The following CDC25C variants were observed in gnomAD, a reference collection of about 807,000 sequenced individuals.
CDC25C encodes M-phase inducer phosphatase 3.
In CDC25C, 48 loss-of-function variants were observed where a neutral mutation model predicts 52.5. The ratio of observed to expected loss-of-function variants is 0.91; its 90% confidence interval spans 0.72 to 1.16. CDC25C has a LOEUF of 1.16. Ranked by LOEUF, CDC25C falls within the 50% of genes most tolerant of loss-of-function variation. The pLI, the probability that CDC25C is intolerant of heterozygous loss-of-function variation, is 0.00. For synonymous variants in CDC25C, 187 were observed against 206.5 expected (o/e 0.91, Z 0.81); for missense variants, 510 against 566.1 (o/e 0.90, Z 1.01).
At chr5:138,304,374 G>A (rs1412773983) in intron 7 of CDC25C, among the ~76,000 whole-genome samples, 1 of 145,628 alleles carries the variant, frequency 6.9e-6, no homozygotes, top group Non-Finnish European at 1.5e-5. Context: ...TGTTGCTGAG[G>A]CAGGCAGACA....
At chr5:138,299,201 A>G (rs2126699956) in intron 7 of CDC25C, among the ~76,000 whole-genome samples, 1 of 139,204 alleles carries the variant, frequency 7.2e-6, no homozygotes, top group Middle Eastern at 4.6e-3. Flanking sequence ...TGGAAAAAAA[A>G]AAAAAAAAAA....
rs958924047 is a variant in CDC25C, at chr5:138,331,757, G to T, written c.-201C>A. On this transcript the variant is annotated 5_prime_UTR_variant, in exon 1 of 14. In the 5' UTR this introduces an upstream ATG that the reference lacks. Transcript: ENST00000323760. ...ACTGGGTAGGCCAACGTCGGACTCA[G>T]AGTCTTCCCTGAGCAGAAGGCCAAA... is the stretch of plus-strand genomic sequence containing the variant. 1.0e-6 allele frequency: 1 copy of T among 974,248 alleles called. No individual in the cohort carries two copies. The highest frequency in any genetic ancestry group is 1.2e-6 in the Non-Finnish European group (1 of 818,288). The allele number at this position is 974,248 out of a possible 1,614,324, so 60.4% of individuals were successfully genotyped here.
At chr5:138,316,372 G>A (rs1186288403) in intron 7 of CDC25C, among the ~76,000 whole-genome samples, 1 of 152,198 alleles carries the variant, frequency 6.6e-6, no homozygotes, top group Admixed American at 6.5e-5. Context: ...GCACGGAGAA[G>A]CAAAAGAGGG....
intron 7 of CDC25C, among the ~76,000 whole-genome samples, chr5:138,310,829 G>A (rs765537998): frequency 4.6e-5 from 7 of 152,144 alleles, no homozygotes; most frequent in Non-Finnish European, 7.4e-5. Context: ...TAGGGACTTC[G>A]AATGGTGGTC....
rs771250230 is a variant in CDC25C, at chr5:138,290,729, TA to T, written c.773del (p.Leu258Ter). 1 of 1,601,318 alleles carries T rather than the reference TA, an allele frequency of 6.2e-7. No homozygotes were observed. Among genetic ancestry groups the T allele is most frequent in the Non-Finnish European group, 8.6e-7 (1 of 1,168,470 alleles). On this transcript the variant is annotated frameshift_variant, in exon 9 of 14. Transcript: ENST00000323760. LOFTEE classifies it high-confidence loss of function. ...TGTCACACAGAGAGACTGTCTTCTT[TA>T]AACATAAGCCCTGAAGATGACAAGA... ...GQGKLRKGLC[L>X]KKTVSLCDIT...
At chr5:138,316,851 C>G (rs748129192) in intron 7 of CDC25C, among the ~76,000 whole-genome samples, 19 of 152,066 alleles carry the variant, frequency 1.2e-4, no homozygotes, top group Non-Finnish European at 2.5e-4. Flanking sequence ...GAGGAGCTGC[C>G]CCCTGTGGGT....
At chr5:138,292,834 A>C (rs1403687121) in intron 7 of CDC25C, among the ~76,000 whole-genome samples, 2 of 152,248 alleles carry the variant, frequency 1.3e-5, no homozygotes, top group South Asian at 4.1e-4. Context: ...CTATCAAATG[A>C]CCTCTGATAA....
intron 8 of CDC25C, among the ~76,000 whole-genome samples, chr5:138,291,504 C>T (rs868007864): frequency 2.0e-4 from 31 of 151,576 alleles, no homozygotes; most frequent in African/African-American, 5.1e-4. Context: ...CTGCAACCTC[C>T]ACCTCCCGGG....
chr5:138,321,151 G>A (rs1759351302), intron 6 of CDC25C, among the ~76,000 whole-genome samples: 1 of 151,962 alleles, frequency 6.6e-6, no homozygotes, highest in South Asian at 2.1e-4. Flanking sequence ...ATCTAGAATA[G>A]TCAAATTCAC....
At chr5:138,295,929 T>C (rs1008862167) in intron 7 of CDC25C, among the ~76,000 whole-genome samples, 8 of 152,214 alleles carry the variant, frequency 5.3e-5, no homozygotes, top group Non-Finnish European at 1.0e-4. Flanking sequence ...GAAAACTTAC[T>C]AGATTCAACC....
chr5:138,334,262 G>C (rs1013452193), upstream of CDC25C, among the ~76,000 whole-genome samples: 1 of 151,600 alleles, frequency 6.6e-6, no homozygotes, highest in Non-Finnish European at 1.5e-5. Context: ...AGATGCAGTG[G>C]TGCGCCTGTA....
intron 7 of CDC25C, among the ~76,000 whole-genome samples, chr5:138,305,169 C>G (rs1757914220): frequency 1.3e-5 from 2 of 152,178 alleles, no homozygotes; most frequent in Non-Finnish European, 2.9e-5. Flanking sequence ...GTGGCCCTAA[C>G]TTAATACCAG....
chr5:138,328,369 C>T, intron 4 of CDC25C, 115 bp downstream of exon 4: 1 of 850,238 alleles, frequency 1.2e-6, no homozygotes. Flanking sequence ...GGCCTCAAAG[C>T]CCACTTATAC....
rs957934987 is a variant in CDC25C, at chr5:138,319,301, T to C, written c.533A>G (p.Lys178Arg). ...CTGGTCTTCTCCTAGGTTTGGATTT[T>C]TATCCAATTTTGGAACAGTAGTAAT... ...SPITTVPKLD[K>R]NPNLGEDQAE... The change falls in exon 7 of 14, where the codon AAA (lysine) becomes AGA (arginine). Residue 178 changes from lysine to arginine, a missense_variant. By Grantham distance (26) the Lys-to-Arg change is conservative. Transcript: ENST00000323760. 1 of 1,613,182 alleles carries C rather than the reference T, an allele frequency of 6.2e-7. No homozygotes were observed. Among genetic ancestry groups the C allele is most frequent in the Admixed American group, 1.7e-5 (1 of 60,014 alleles).
chr5:138,287,424 C>T (rs191011867), intron 10 of CDC25C, among the ~76,000 whole-genome samples, 157 bp from the exon 11 acceptor site: 7 of 152,312 alleles, frequency 4.6e-5, no homozygotes, highest in Admixed American at 4.6e-4. Flanking sequence ...GATTCAGCCC[C>T]ACTCCACAAA....
intron 10 of CDC25C, among the ~76,000 whole-genome samples, chr5:138,288,847 T>C (rs931115093): frequency 3.9e-5 from 6 of 152,230 alleles, no homozygotes; most frequent in African/African-American, 1.4e-4. Context: ...CCCTCACTAA[T>C]AGATGAAAAT....
upstream of CDC25C, chr5:138,335,506 C>T (rs947015251): frequency 2.6e-5 from 4 of 152,316 alleles, no homozygotes; most frequent in Admixed American, 6.5e-5. Context: ...CTGAAACCCA[C>T]TGGAGCAGGG....
chr5:138,329,483 A>C, intron 3 of CDC25C, 70 bp downstream of exon 3: 2 of 991,194 alleles, frequency 2.0e-6, no homozygotes, highest in Non-Finnish European at 3.2e-6. Flanking sequence ...TTCCGTCTCT[A>C]TCCTCCTTCC....
At chr5:138,309,399 T>C (rs577764299) in intron 7 of CDC25C, among the ~76,000 whole-genome samples, 4 of 151,662 alleles carry the variant, frequency 2.6e-5, no homozygotes, top group African/African-American at 9.7e-5. Context: ...CTACTAAAAA[T>C]ACAAAAAATT....
Sources: gnomAD v4.1 joint callset for allele counts (sites outside exome capture counted in the v4.1 genomes callset) on GRCh38, gnomAD v4.1.1 for gene constraint, MANE v1.5 for transcripts, NCBI Gene and HGNC (gene_info 2026-07-23, HGNC 2026-07-21) for gene names.